The following SH3BGRL variants were observed in gnomAD, a reference collection of about 807,000 sequenced individuals.
SH3BGRL encodes SH3 domain binding glutamate rich protein like.
In SH3BGRL, 7 loss-of-function variants were observed where a neutral mutation model predicts 9.8. That is an observed-to-expected ratio of 0.72 (90% CI 0.41 to 1.35). The LOEUF is 1.35. Ranked by LOEUF, SH3BGRL falls within the 40% of genes most tolerant of loss-of-function variation. SH3BGRL has a pLI of 0.01. For synonymous variants in SH3BGRL, 36 were observed against 29.1 expected (o/e 1.24, Z -0.76); for missense variants, 73 against 84.4 (o/e 0.86, Z 0.53).
chrX:81,250,101 T>A (rs962570366), intron 1 of SH3BGRL, among the ~76,000 whole-genome samples: 14 of 110,311 alleles, frequency 1.3e-4, no homozygotes, highest in Non-Finnish European at 2.3e-4. Context: ...TTTTTCTTTC[T>A]TAAAAATAGT....
At chrX:81,290,614 A>G (rs1432744477) in intron 3 of SH3BGRL, among the ~76,000 whole-genome samples, 6 of 111,174 alleles carry the variant, frequency 5.4e-5, no homozygotes, top group African/African-American at 1.3e-4. Context: ...GGTTTGGTTA[A>G]TGGCACAAAA....
chrX:81,261,942 C>A (rs2075742687), intron 1 of SH3BGRL, among the ~76,000 whole-genome samples: 1 of 111,311 alleles, frequency 9.0e-6, no homozygotes, highest in African/African-American at 3.3e-5. Context: ...TTGGAGAACC[C>A]ATCAATTTAA....
intron 3 of SH3BGRL, among the ~76,000 whole-genome samples, chrX:81,282,683 C>T (rs2075821651): frequency 9.0e-6 from 1 of 111,445 alleles, no homozygotes; most frequent in Admixed American, 9.5e-5. Flanking sequence ...AAAGGTGGTG[C>T]TAAGAGGAAA....
At chrX:81,252,376 A>G (rs1318821183) in intron 1 of SH3BGRL, among the ~76,000 whole-genome samples, 1 of 112,088 alleles carries the variant, frequency 8.9e-6, no homozygotes, top group Admixed American at 9.5e-5. Context: ...TGGATCACTA[A>G]GTGATACTTT....
chrX:81,290,558 A>G, intron 3 of SH3BGRL, among the ~76,000 whole-genome samples: 1 of 110,990 alleles, frequency 9.0e-6, no homozygotes, highest in South Asian at 3.9e-4. Context: ...GAGAATAGAA[A>G]GATGGTTACC....
intron 1 of SH3BGRL, among the ~76,000 whole-genome samples, chrX:81,271,042 G>A (rs764117240): frequency 8.9e-6 from 1 of 112,476 alleles, no homozygotes; most frequent in Admixed American, 9.4e-5. Context: ...GTGGGCATGG[G>A]ATCTACCAAG....
At chrX:81,217,572 T>C (rs1002747685) in intron 1 of SH3BGRL, among the ~76,000 whole-genome samples, 6 of 111,483 alleles carry the variant, frequency 5.4e-5, no homozygotes, top group African/African-American at 2.0e-4. Context: ...GAGGGTTCCT[T>C]TTAGAGTGAA....
intron 1 of SH3BGRL, among the ~76,000 whole-genome samples, chrX:81,219,428 T>A (rs1452425176): frequency 1.8e-5 from 2 of 111,313 alleles, no homozygotes; most frequent in Non-Finnish European, 3.8e-5. Flanking sequence ...TTGTTCACTA[T>A]TGGCATTTAG....
At chrX:81,209,231 C>G (rs1272259776) in intron 1 of SH3BGRL, among the ~76,000 whole-genome samples, 1 of 110,016 alleles carries the variant, frequency 9.1e-6, no homozygotes, top group East Asian at 2.9e-4. Context: ...TGGTCACAAA[C>G]TCTTCAGCTA....
At chrX:81,292,856 T>G (rs931280594) in intron 3 of SH3BGRL, among the ~76,000 whole-genome samples, 5 of 110,754 alleles carry the variant, frequency 4.5e-5, no homozygotes, top group African/African-American at 1.6e-4. Context: ...TGGACCACAA[T>G]GGAAAAAGAA....
chrX:81,227,769 G>A (rs913402408), intron 1 of SH3BGRL, among the ~76,000 whole-genome samples: 4 of 111,467 alleles, frequency 3.6e-5, no homozygotes, highest in East Asian at 2.8e-4. Context: ...CTTGTAAGCC[G>A]AATGTGCTGT....
At chrX:81,283,045 A>G (rs1028787879) in intron 3 of SH3BGRL, among the ~76,000 whole-genome samples, 1 of 111,769 alleles carries the variant, frequency 8.9e-6, no homozygotes, top group Non-Finnish European at 1.9e-5. Flanking sequence ...GAACACCTCT[A>G]TGCGCATAAA....
chrX:81,202,548 T>A, intron 1 of SH3BGRL: 6 of 867,999 alleles, frequency 6.9e-6, no homozygotes, highest in Non-Finnish European at 8.4e-6. Context: ...TCTTTAGGGT[T>A]ACGTGAAGTC....
At chrX:81,294,379 A>G (rs1713891343) in intron 3 of SH3BGRL, among the ~76,000 whole-genome samples, 1 of 109,732 alleles carries the variant, frequency 9.1e-6, no homozygotes, top group Non-Finnish European at 1.9e-5. Context: ...CACTCCAGCC[A>G]TGACTAAAAG....
At chrX:81,236,684 T>C (rs756494597) in intron 1 of SH3BGRL, among the ~76,000 whole-genome samples, 1 of 112,104 alleles carries the variant, frequency 8.9e-6, no homozygotes, top group East Asian at 2.8e-4. Context: ...CTGAGCCATG[T>C]ATTTCTAAAA....
At chrX:81,224,922 C>T (rs773830641) in intron 1 of SH3BGRL, among the ~76,000 whole-genome samples, 19 of 109,707 alleles carry the variant, frequency 1.7e-4, no homozygotes, top group South Asian at 1.2e-3. Context: ...ACGAAGGAGG[C>T]GCTATTTCTT....
intron 1 of SH3BGRL, among the ~76,000 whole-genome samples, chrX:81,232,932 T>G (rs1287246405): frequency 1.8e-5 from 2 of 111,794 alleles, no homozygotes; most frequent in African/African-American, 6.5e-5. Flanking sequence ...TTAAAACTTT[T>G]TCTAAGTATT....
chrX:81,225,579 C>T (rs1409701813), intron 1 of SH3BGRL, among the ~76,000 whole-genome samples: 1 of 111,617 alleles, frequency 9.0e-6, no homozygotes, highest in Non-Finnish European at 1.9e-5. Flanking sequence ...CTGCAGAGGA[C>T]ATGATTTCAT....
intron 1 of SH3BGRL, among the ~76,000 whole-genome samples, chrX:81,214,286 G>A (rs991063010): frequency 9.0e-5 from 10 of 111,670 alleles, no homozygotes; most frequent in African/African-American, 3.3e-4. Flanking sequence ...CAGCCTGATT[G>A]GGAAAGGTTA....
Sources: gnomAD v4.1 joint callset for allele counts (sites outside exome capture counted in the v4.1 genomes callset) on GRCh38, gnomAD v4.1.1 for gene constraint, MANE v1.5 for transcripts, NCBI Gene and HGNC (gene_info 2026-07-23, HGNC 2026-07-21) for gene names.